The following LPCAT2 variants were observed in gnomAD, a reference collection of about 807,000 sequenced individuals.
LPCAT2 encodes the protein lysophosphatidylcholine acyltransferase 2, also known as 1-AGP acyltransferase 11.
In LPCAT2, 58 loss-of-function variants were observed where a neutral mutation model predicts 64.7. That is an observed-to-expected ratio of 0.90 (90% CI 0.73 to 1.12). The LOEUF is 1.12. LPCAT2 is among the 50% of genes most tolerant of loss of function. The pLI, the probability that LPCAT2 is intolerant of heterozygous loss-of-function variation, is 0.00. For missense variants in LPCAT2, 579 were observed against 669.8 expected, an observed-to-expected ratio of 0.86 and a Z score of 1.50; for synonymous variants, 252 against 245.3, an observed-to-expected ratio of 1.03 and a Z score of -0.26.
chr16:55,551,705 C>T (rs1420226), intron 11 of LPCAT2, among the ~76,000 whole-genome samples: 138,049 of 152,264 alleles, frequency 0.91, 63,635 homozygotes, highest in East Asian at 0.99. Flanking sequence ...GATAATTGAA[C>T]TGTCAAAAAG....
chr16:55,533,970 TC>T (rs1963290856), intron 6 of LPCAT2, among the ~76,000 whole-genome samples: 1 of 152,206 alleles, frequency 6.6e-6, no homozygotes, highest in Non-Finnish European at 1.5e-5. Context: ...GGCTGGTTTT[TC>T]AACCTTGGAC....
At chr16:55,530,495 G>GA (rs1596858027) in intron 4 of LPCAT2, among the ~76,000 whole-genome samples, 5 of 148,290 alleles carry the variant, frequency 3.4e-5, no homozygotes, top group South Asian at 2.1e-4. Flanking sequence ...GCGGGGGTGG[G>GA]GGGGGGGTAA....
At chr16:55,518,237 T>C (rs1375936590) in intron 1 of LPCAT2, among the ~76,000 whole-genome samples, 1 of 151,586 alleles carries the variant, frequency 6.6e-6, no homozygotes, top group African/African-American at 2.4e-5. Context: ...AATTCTACAT[T>C]GAAAACTACA....
Position 55,514,201 on chromosome 16 carries a change from A to T in LPCAT2, c.171+4849A>T, listed in dbSNP as rs556117416. ...TTAAAAGCTTTGACATATTCCTAGGAATCTAGAAGGCTGTCCACATGAGTA... is the reference window on the plus strand; with the variant it reads ...TTAAAAGCTTTGACATATTCCTAGGTATCTAGAAGGCTGTCCACATGAGTA... On this transcript the variant is annotated intron_variant, in intron 1 of 13. Coordinates refer to ENST00000262134, the MANE Select transcript of LPCAT2 (RefSeq NM_017839.5). Among the ~76,000 whole-genome samples the T allele has an allele frequency of 7.2e-5, 11 of 152,264 alleles. No individual in the cohort carries two copies. The South Asian group carries it at 2.3e-3, about 32-fold the overall frequency.
At chr16:55,550,458 T>C (rs1963503315) in intron 10 of LPCAT2, among the ~76,000 whole-genome samples, 1 of 152,240 alleles carries the variant, frequency 6.6e-6, no homozygotes, top group African/African-American at 2.4e-5. Context: ...AAAAACTTAA[T>C]ACAGACTATG....
chr16:55,548,282 C>A lies in LPCAT2; in HGVS notation c.936-995C>A, dbSNP rs1363050188. On this transcript the variant is annotated intron_variant, in intron 9 of 13. Coordinates refer to ENST00000262134, the MANE Select transcript of LPCAT2 (RefSeq NM_017839.5). ...AGTTCTTATAAATATGTATTTTTTT[C>A]AAATCTAATTCACTATCATTTAATT... Among the ~76,000 whole-genome samples, 3 of 151,384 alleles carry A rather than the reference C, an allele frequency of 2.0e-5. No individual in the cohort carries two copies. In the East Asian group the frequency reaches 5.8e-4, roughly 29 times the overall value.
chr16:55,567,370 A>AT, intron 11 of LPCAT2: 1 of 1,613,742 alleles, frequency 6.2e-7, no homozygotes. Context: ...GGAGATATGG[A>AT]TTTTAACAAT....
At chr16:55,582,458 T>TTA (rs1270846173) in intron 13 of LPCAT2, among the ~76,000 whole-genome samples, 1 of 152,214 alleles carries the variant, frequency 6.6e-6, no homozygotes, top group African/African-American at 2.4e-5. Context: ...TCATTAAACA[T>TTA]TATGGCTTTA....
At chr16:55,552,137 C>T (rs752760571) in intron 11 of LPCAT2, among the ~76,000 whole-genome samples, 8 of 152,150 alleles carry the variant, frequency 5.3e-5, no homozygotes, top group Non-Finnish European at 1.2e-4. Flanking sequence ...AGCCAGTGAT[C>T]TGTTCTCCAT....
At chr16:55,544,966 A>G (rs1336528408) in intron 8 of LPCAT2, among the ~76,000 whole-genome samples, 1 of 152,166 alleles carries the variant, frequency 6.6e-6, no homozygotes, top group Admixed American at 6.5e-5. Context: ...GTGTTGTTCT[A>G]TACTATTAAA....
At chr16:55,567,043 G>A (rs1963708115) in intron 11 of LPCAT2, 1 of 1,613,746 alleles carries the variant, frequency 6.2e-7, no homozygotes, top group Non-Finnish European at 8.5e-7. Context: ...ATGGAGGTGG[G>A]TGCCACTGAT....
At position 55,509,265 on chromosome 16, in the gene LPCAT2, G is replaced by C; in HGVS notation, c.84G>C (p.Met28Ile). Reference protein sequence around the residue: ...GVGNVGLRPPMVPRQASFFPP... With the variant: ...GVGNVGLRPPIVPRQASFFPP... ...GGAACGTGGGGCTGCGGCCGCCCATGGTGCCCCGTCAGGCGTCCTTCTTCC... is the reference window on the plus strand; with the variant it reads ...GGAACGTGGGGCTGCGGCCGCCCATCGTGCCCCGTCAGGCGTCCTTCTTCC... The change falls in exon 1 of 14, where the codon ATG (methionine) becomes ATC (isoleucine). Residue 28 changes from methionine to isoleucine, a missense_variant. Coordinates refer to ENST00000262134, the MANE Select transcript of LPCAT2 (RefSeq NM_017839.5). The C allele has an allele frequency of 6.6e-7, 1 of 1,507,888 alleles. No individual in the cohort carries two copies. The highest frequency in any genetic ancestry group is 1.4e-5 in the African/African-American group (1 of 70,140). 93.4% of individuals were successfully genotyped at this position (1,507,888 alleles called of 1,614,324 possible).
intron 1 of LPCAT2, among the ~76,000 whole-genome samples, chr16:55,513,130 A>G (rs1053599725): frequency 6.6e-6 from 1 of 152,214 alleles, no homozygotes; most frequent in African/African-American, 2.4e-5. Flanking sequence ...AAATCAGGCA[A>G]TAAAAACAGA....
intron 3 of LPCAT2, among the ~76,000 whole-genome samples, chr16:55,529,184 C>T (rs566778074): frequency 1.3e-5 from 2 of 152,226 alleles, no homozygotes; most frequent in East Asian, 3.9e-4. Flanking sequence ...GTAACTACTC[C>T]CTGTTGTCCC....
rs1197853643 is a variant in LPCAT2, at chr16:55,585,953, G to GTCTC, written c.*2857_*2860dup. The GTCTC allele has an allele frequency of 6.6e-6, 1 of 152,166 alleles. No individual in the cohort carries two copies. The highest frequency in any genetic ancestry group is 1.5e-5 in the Non-Finnish European group (1 of 68,028). The allele number at this position is 152,166 out of a possible 1,614,324, so 9.4% of individuals were successfully genotyped here. On this transcript the variant is annotated 3_prime_UTR_variant, in exon 14 of 14. Transcript: ENST00000262134. ...TATTGACTATATTGGAACAGATGGA[G>GTCTC]TCTCTACTACAAAAGTCTTTGGGTA...
chr16:55,551,741 T>G (rs1453228699), intron 11 of LPCAT2, among the ~76,000 whole-genome samples: 1 of 152,180 alleles, frequency 6.6e-6, no homozygotes, highest in East Asian at 1.9e-4. Context: ...TGTTCACAAC[T>G]TCAGGTTTTC....
chr16:55,531,908 C>G lies in LPCAT2; in HGVS notation c.643-6C>G, dbSNP rs1216161640. On this transcript the variant is annotated splice_polypyrimidine_tract_variant and splice_region_variant and intron_variant, in intron 4 of 13. Transcript: ENST00000262134. The stretch of plus-strand genomic sequence containing the variant: ...GAAATATTAAATCTATTCCTTTTTT[C>G]CCAAGATACTAGTTTTCCCAGAAGG... 1 of 1,549,636 alleles carries G rather than the reference C, an allele frequency of 6.5e-7. No homozygotes were observed. The highest frequency in any genetic ancestry group is 8.9e-7 in the Non-Finnish European group (1 of 1,124,138).
chr16:55,543,940 C>T (rs1963424646), intron 8 of LPCAT2, among the ~76,000 whole-genome samples: 1 of 152,194 alleles, frequency 6.6e-6, no homozygotes, highest in African/African-American at 2.4e-5. Context: ...TCCTGTAGCA[C>T]ATTATTCTAT....
At chr16:55,532,786 A>T in intron 5 of LPCAT2, 38 bp from the exon 6 acceptor site, 1 of 1,442,230 alleles carries the variant, frequency 6.9e-7, no homozygotes, top group Non-Finnish European at 9.7e-7. Flanking sequence ...ACTTTTATTC[A>T]CATAAAAACA....
Sources: gnomAD v4.1 joint callset for allele counts (sites outside exome capture counted in the v4.1 genomes callset) on GRCh38, gnomAD v4.1.1 for gene constraint, MANE v1.5 for transcripts, NCBI Gene and HGNC (gene_info 2026-07-23, HGNC 2026-07-21) for gene names.